Variants in EPC2 observed in about 807,000 individuals in gnomAD.
EPC2 encodes the protein enhancer of polycomb 2, also known as enhancer of polycomb homolog 2.
EPC2 carries 14 observed loss-of-function variants against 92.1 expected under a neutral mutation model. The observed-to-expected ratio is 0.15, with a 90% CI of 0.10 to 0.24. The LOEUF is 0.24. Among genes scored for constraint, EPC2 ranks in the 10% least tolerant of loss-of-function variants. The pLI is 1.00. For missense variants in EPC2, 755 were observed against 971.5 expected (o/e 0.78, Z 2.96); for synonymous variants, 340 against 334.7 (o/e 1.02, Z -0.17).
At chr2:148,678,274 A>T (rs1437972216) in intron 1 of EPC2, among the ~76,000 whole-genome samples, 1 of 152,164 alleles carries the variant, frequency 6.6e-6, no homozygotes, top group Admixed American at 6.5e-5. Context: ...TGTATTTACA[A>T]TCCCTGAGCT....
chr2:148,753,080 C>T (rs1395680902), intron 3 of EPC2, among the ~76,000 whole-genome samples: 1 of 152,128 alleles, frequency 6.6e-6, no homozygotes, highest in Non-Finnish European at 1.5e-5. Flanking sequence ...TATGTGTAAC[C>T]CCCATTCCAT....
rs138208185 is a variant in EPC2 at position 148,737,177 on chromosome 2, A to G, written c.314-6445A>G. Among the ~76,000 whole-genome samples the G allele has an allele frequency of 4.1e-3, 626 of 152,298 alleles. 2 individuals carry two copies. The highest frequency in any genetic ancestry group is 0.015 in the African/African-American group (608 of 41,558). ...TGCTTTTATTTCTTAGGGTATTCCCACTAGAAATGTACAGTCACTTTACAG... is the reference window on the plus strand; with the variant it reads ...TGCTTTTATTTCTTAGGGTATTCCCGCTAGAAATGTACAGTCACTTTACAG... On this transcript the variant is annotated intron_variant, in intron 2 of 13. Coordinates refer to ENST00000258484, the MANE Select transcript of EPC2 (RefSeq NM_015630.4).
chr2:148,663,576 T>C (rs1680991083), intron 1 of EPC2, among the ~76,000 whole-genome samples: 2 of 150,238 alleles, frequency 1.3e-5, no homozygotes, highest in African/African-American at 4.9e-5. Flanking sequence ...ATTCCAGTTT[T>C]ACTATATAGA....
intron 4 of EPC2, among the ~76,000 whole-genome samples, chr2:148,758,402 T>A (rs574997223): frequency 4.8e-4 from 73 of 152,228 alleles, no homozygotes; most frequent in African/African-American, 1.3e-3. Flanking sequence ...TTAATTAATT[T>A]ATTTATTTTT....
chr2:148,651,478 A>G (rs1367799682), intron 1 of EPC2, among the ~76,000 whole-genome samples: 3 of 152,194 alleles, frequency 2.0e-5, no homozygotes, highest in Non-Finnish European at 4.4e-5. Context: ...ATGAAGGAGT[A>G]AAAATAGGGG....
At chr2:148,730,885 C>T (rs1682605775) in intron 2 of EPC2, among the ~76,000 whole-genome samples, 1 of 152,188 alleles carries the variant, frequency 6.6e-6, no homozygotes, top group Non-Finnish European at 1.5e-5. Flanking sequence ...TTCTTTAAAT[C>T]TACGTTTTAT....
chr2:148,647,084 TG>T (rs1184445616), intron 1 of EPC2, among the ~76,000 whole-genome samples: 1 of 152,004 alleles, frequency 6.6e-6, no homozygotes, highest in Non-Finnish European at 1.5e-5. Flanking sequence ...CACTCCAGCC[TG>T]GGGGACAGAG....
chr2:148,659,119 C>T (rs545987072), intron 1 of EPC2, among the ~76,000 whole-genome samples: 6 of 152,052 alleles, frequency 3.9e-5, no homozygotes, highest in Non-Finnish European at 7.4e-5. Flanking sequence ...AAAAACAATT[C>T]GGATACTTTG....
intron 1 of EPC2, among the ~76,000 whole-genome samples, chr2:148,678,452 G>C (rs1574576993): frequency 6.6e-6 from 1 of 152,260 alleles, no homozygotes; most frequent in African/African-American, 2.4e-5. Context: ...GGAGCAGGGG[G>C]TGGCGCTTGT....
At chr2:148,669,203 C>CT (rs1481406597) in intron 1 of EPC2, among the ~76,000 whole-genome samples, 1 of 152,198 alleles carries the variant, frequency 6.6e-6, no homozygotes, top group Non-Finnish European at 1.5e-5. Flanking sequence ...AGGTTTGACT[C>CT]TGTCATCTTA....
At chr2:148,744,813 T>TTAGAGA (rs71301703) in intron 3 of EPC2, among the ~76,000 whole-genome samples, 29,931 of 151,706 alleles carry the variant, frequency 0.2, 3,548 homozygotes, top group East Asian at 0.48. Flanking sequence ...TTCTAAGAAG[T>TTAGAGA]TAGAGTTGCA....
chr2:148,784,189 T>C (rs1683814296), intron 12 of EPC2, among the ~76,000 whole-genome samples: 3 of 152,230 alleles, frequency 2.0e-5, no homozygotes, highest in Non-Finnish European at 4.4e-5. Flanking sequence ...GCTCTTTAGA[T>C]AGAGTATTGC....
At chr2:148,662,714 C>T (rs1680963767) in intron 1 of EPC2, among the ~76,000 whole-genome samples, 1 of 151,860 alleles carries the variant, frequency 6.6e-6, no homozygotes, top group Non-Finnish European at 1.5e-5. Context: ...TATACCTAAT[C>T]CTAAATGATG....
intron 2 of EPC2, among the ~76,000 whole-genome samples, chr2:148,728,745 A>ATTT (rs1558822250): frequency 1.4e-5 from 2 of 140,096 alleles, no homozygotes; most frequent in East Asian, 2.1e-4. Flanking sequence ...TTTTTTTTTA[A>ATTT]AAAAAGGCCG....
intron 2 of EPC2, among the ~76,000 whole-genome samples, chr2:148,711,565 T>C (rs1209127336): frequency 1.3e-5 from 2 of 152,220 alleles, no homozygotes. Context: ...TCTTTTTGTA[T>C]GCAGCATTTT....
chr2:148,710,861 G>A (rs1355341486), intron 2 of EPC2, among the ~76,000 whole-genome samples: 1 of 152,042 alleles, frequency 6.6e-6, no homozygotes, highest in Non-Finnish European at 1.5e-5. Context: ...TGGGGGGAGT[G>A]GGGAGGGATG....
intron 10 of EPC2, among the ~76,000 whole-genome samples, chr2:148,779,517 A>G (rs1683708342): frequency 6.6e-6 from 1 of 152,196 alleles, no homozygotes; most frequent in African/African-American, 2.4e-5. Context: ...CAGGAGTTCA[A>G]GGCTGCAGTG....
At chr2:148,714,865 T>C (rs141928687) in intron 2 of EPC2, among the ~76,000 whole-genome samples, 8 of 152,294 alleles carry the variant, frequency 5.3e-5, no homozygotes, top group East Asian at 1.9e-4. Flanking sequence ...GTTGTCTGTT[T>C]ACTCTGATGA....
intron 10 of EPC2, among the ~76,000 whole-genome samples, chr2:148,772,240 G>A (rs1456033014): frequency 6.6e-6 from 1 of 152,082 alleles, no homozygotes; most frequent in African/African-American, 2.4e-5. Flanking sequence ...AGAGAATCTA[G>A]GGTACACTTT....
Sources: allele counts gnomAD v4.1 joint callset (sites outside exome capture counted in the v4.1 genomes callset), GRCh38; gene constraint gnomAD v4.1.1; transcripts MANE v1.5; gene names NCBI Gene and HGNC (gene_info 2026-07-23, HGNC 2026-07-21).